SPTBN4: variants seen among roughly 807,000 people sequenced by gnomAD.
The protein encoded by SPTBN4 is spectrin beta chain, non-erythrocytic 4.
In SPTBN4, 96 loss-of-function variants were observed where a neutral mutation model predicts 277.8. That is an observed-to-expected ratio of 0.35 (90% CI 0.29 to 0.41). The LOEUF (loss-of-function observed/expected upper bound fraction) is 0.41, where lower values mean the gene tolerates loss of function less well. Ranked by LOEUF, SPTBN4 falls within the 10% of genes least tolerant of loss-of-function variation. SPTBN4 has a pLI of 1.00. For synonymous variants in SPTBN4, 1,481 were observed against 1,580.3 expected, an observed-to-expected ratio of 0.94 and a Z score of 1.49; for missense variants, 3,006 against 3,595.7, an observed-to-expected ratio of 0.84 and a Z score of 4.19.
intron 20 of SPTBN4, among the ~76,000 whole-genome samples, chr19:40,544,940 G>A (rs1186371544): frequency 6.6e-6 from 1 of 151,838 alleles, no homozygotes. Flanking sequence ...GGGATTACAG[G>A]CATGAGCTGC....
At chr19:40,575,309 G>A in intron 35 of SPTBN4, 102 bp from the exon 36 acceptor site, 1 of 1,362,530 alleles carries the variant, frequency 7.3e-7, no homozygotes, top group Non-Finnish European at 9.8e-7. Context: ...TTTAATAGAT[G>A]AGAAAACTGA....
At chr19:40,506,434 C>T in intron 13 of SPTBN4, 48 bp downstream of exon 13, 3 of 1,576,954 alleles carry the variant, frequency 1.9e-6, no homozygotes, top group Non-Finnish European at 1.7e-6. Flanking sequence ...ACTGTCAGGA[C>T]TGGTGCTAAT....
At chr19:40,500,159 T>C (rs927744685) in intron 7 of SPTBN4, among the ~76,000 whole-genome samples, 4 of 151,184 alleles carry the variant, frequency 2.6e-5, no homozygotes, top group African/African-American at 9.8e-5. Flanking sequence ...CAGTGAGCTC[T>C]GATTACAACA....
At chr19:40,512,072 G>A (rs781115525) in intron 13 of SPTBN4, among the ~76,000 whole-genome samples, 4 of 152,264 alleles carry the variant, frequency 2.6e-5, no homozygotes, top group East Asian at 1.9e-4. Flanking sequence ...GCAGTGAACC[G>A]AGATCGCGCT....
At position 40,576,005 on chromosome 19, in the gene SPTBN4, G is replaced by C. The variant is rs905311571; in HGVS notation, c.*436G>C. The C allele has an allele frequency of 6.5e-6, 1 of 153,882 alleles. No individual in the cohort carries two copies. The highest frequency in any genetic ancestry group is 2.4e-5 in the African/African-American group (1 of 41,180). 9.5% of individuals were successfully genotyped at this position (153,882 alleles called of 1,614,324 possible). A position where few individuals can be genotyped will look rare whatever the true frequency, so the allele number is the denominator to read the frequency against. ...TCCCCTGGACCATCCAGGGTGCTAG[G>C]GGGCAGGGAGGGGACACCCCCTCCC... On this transcript the variant is annotated 3_prime_UTR_variant, in exon 36 of 36. Transcript: ENST00000598249.
chr19:40,515,928 T>C lies in SPTBN4; in HGVS notation c.2903+480T>C, dbSNP rs542291820. 1.5e-3 allele frequency among the ~76,000 whole-genome samples: 196 copies of C among 129,698 alleles called. 10 individuals carry two copies. The highest frequency in any genetic ancestry group is 3.7e-3 in the Middle Eastern group (1 of 270). The allele number at this position is 129,698 out of a possible 152,430, so 85.1% of individuals were successfully genotyped here. Reference sequence around the variant, plus strand: ...ATATATATATACACACACATATATATACACACATATATACGTATATATACA... The same window carrying C: ...ATATATATATACACACACATATATACACACACATATATACGTATATATACA... On this transcript the variant is annotated intron_variant, in intron 15 of 35. Coordinates refer to ENST00000598249, the MANE Select transcript of SPTBN4 (RefSeq NM_020971.3). The surrounding 1 kb of genome is among the most constrained non-coding windows in gnomAD (Gnocchi z 4.1).
At chr19:40,530,468 G>T in intron 18 of SPTBN4, 2 of 977,210 alleles carry the variant, frequency 2.0e-6, no homozygotes, top group Non-Finnish European at 2.4e-6. Context: ...CGGGGGCGAG[G>T]GAGGGGGCGC....
chr19:40,575,237 A>C (rs1194321497), intron 35 of SPTBN4, among the ~76,000 whole-genome samples, 174 bp from the exon 36 acceptor site: 1 of 152,130 alleles, frequency 6.6e-6, no homozygotes, highest in African/African-American at 2.4e-5. Context: ...TAATCCACTA[A>C]AGTGTTTGGA....
At chr19:40,523,683 TG>T in intron 17 of SPTBN4, 44 bp downstream of exon 17, 1 of 1,557,404 alleles carries the variant, frequency 6.4e-7, no homozygotes, top group Non-Finnish European at 8.7e-7. Flanking sequence ...GGGCAGAAGA[TG>T]GGGCCCAGCA....
chr19:40,549,125 T>C (rs1245710937), intron 20 of SPTBN4, 64 bp from the exon 21 acceptor site: 75 of 1,381,274 alleles, frequency 5.4e-5, no homozygotes, highest in Non-Finnish European at 7.2e-5. Flanking sequence ...ATAAGGGTAC[T>C]GGAGAGCCAC....
At position 40,570,526 on chromosome 19, in the gene SPTBN4, C is replaced by A; in HGVS notation, c.7117C>A (p.Arg2373=). The change falls in exon 33 of 36, where the codon CGG becomes AGG. Residue 2373 remains arginine (R), a synonymous_variant. Transcript: ENST00000598249. ...PERTPRPDRP[R]ARDRPKPRRR... is the part of the protein sequence containing the mutation. ...GCGGACACCTCGGCCGGACCGGCCC[C>A]GGGCGCGGGACCGGCCCAAGCCGCG... 1 of 1,456,754 alleles carries A rather than the reference C, an allele frequency of 6.9e-7. No homozygotes were observed. Among genetic ancestry groups the A allele is most frequent in the Non-Finnish European group, 9.0e-7 (1 of 1,109,872 alleles). 90.2% of individuals were successfully genotyped at this position (1,456,754 alleles called of 1,614,324 possible). A position where few individuals can be genotyped will look rare whatever the true frequency, so the allele number is the denominator to read the frequency against.
In SPTBN4 at chr19:40,513,294, G is replaced by A; in HGVS notation, c.2505G>A (p.Gln835=). The A allele has an allele frequency of 6.4e-7, 1 of 1,551,778 alleles. No individual in the cohort carries two copies. The highest frequency in any genetic ancestry group is 8.7e-7 in the Non-Finnish European group (1 of 1,152,952). The part of the protein sequence containing the change: ...HRGPVSGLRR[Q]LATLGGASGA... ...GGCCCGTGAGCGGCCTGCGGCGCCA[G>A]CTGGCGACACTCGGGGGTGCCAGTG... Residue 835 remains glutamine, a synonymous_variant, in exon 14 of 36, where the codon CAG becomes CAA. Coordinates refer to ENST00000598249, the MANE Select transcript of SPTBN4 (RefSeq NM_020971.3).
intron 13 of SPTBN4, among the ~76,000 whole-genome samples, chr19:40,509,307 G>A (rs572224844): frequency 3.3e-5 from 5 of 152,152 alleles, no homozygotes; most frequent in South Asian, 2.1e-4. Flanking sequence ...TTGCAATGGC[G>A]CGATCTCGGC....
At position 40,557,012 on chromosome 19, in the gene SPTBN4, C is replaced by A; in HGVS notation, c.5290-11C>A. The A allele has an allele frequency of 7.7e-7, 1 of 1,303,436 alleles. No homozygotes were observed. The highest frequency in any genetic ancestry group is 1.0e-6 in the Non-Finnish European group (1 of 963,930). 80.7% of individuals were successfully genotyped at this position (1,303,436 alleles called of 1,614,324 possible). A position where few individuals can be genotyped will look rare whatever the true frequency, so the allele number is the denominator to read the frequency against. On this transcript the variant is annotated splice_polypyrimidine_tract_variant and intron_variant, in intron 25 of 35. Coordinates refer to ENST00000598249, the MANE Select transcript of SPTBN4 (RefSeq NM_020971.3). ...CTTTGCTGTACCCCCCCCCCCACTT[C>A]CTGATGGCAGGTGCTGCAGGAGAAA...
Position 40,512,867 on chromosome 19 carries a change from G to A in SPTBN4, c.2078G>A (p.Ser693Asn). Residue 693 changes from serine to asparagine, a missense_variant, in exon 14 of 36, where the codon AGC becomes AAC. By Grantham distance (46) the Ser-to-Asn change is conservative (BLOSUM62 1). Around this residue, in one of 5 missense-constraint regions of SPTBN4, gnomAD observed 1,759 missense variants for 2,061.5 expected, o/e 0.85. Transcript: ENST00000598249. The part of the protein sequence containing the change: ...GTAGGAHDLS[S>N]TARLLAQHKI... ...GCGGGCGGCGCGCATGACCTGTCCA[G>A]CACAGCGCGCCTCCTGGCCCAGCAC... 1 of 1,448,972 alleles carries A rather than the reference G, an allele frequency of 6.9e-7. No homozygotes were observed. Among genetic ancestry groups the A allele is most frequent in the Non-Finnish European group, 9.0e-7 (1 of 1,113,210 alleles). The allele number at this position is 1,448,972 out of a possible 1,614,324, so 89.8% of individuals were successfully genotyped here. A position where few individuals can be genotyped will look rare whatever the true frequency, so the allele number is the denominator to read the frequency against.
chr19:40,498,372 A>ATTTT (rs1214208678), intron 7 of SPTBN4, among the ~76,000 whole-genome samples: 12 of 125,352 alleles, frequency 9.6e-5, no homozygotes, highest in African/African-American at 3.5e-4. Context: ...GTTTTATTTT[A>ATTTT]TTTTATTTAT....
At chr19:40,525,083 C>T (rs945852276) in intron 17 of SPTBN4, among the ~76,000 whole-genome samples, 1 of 152,090 alleles carries the variant, frequency 6.6e-6, no homozygotes, top group Non-Finnish European at 1.5e-5. Context: ...AGTACCCCTC[C>T]TTCTGTCTTC....
intron 16 of SPTBN4, among the ~76,000 whole-genome samples, chr19:40,522,771 T>C (rs904684685): frequency 2.0e-5 from 3 of 152,046 alleles, no homozygotes; most frequent in African/African-American, 4.8e-5. Context: ...TTCTAGTATG[T>C]AGGGGAGGAG....
At chr19:40,525,834 C>T (rs192354932) in intron 17 of SPTBN4, among the ~76,000 whole-genome samples, 11 of 152,272 alleles carry the variant, frequency 7.2e-5, no homozygotes, top group African/African-American at 2.2e-4. Flanking sequence ...GACGTGCAGC[C>T]GCTGTGGGAG....
Sources: gnomAD v4.1 joint callset for allele counts (sites outside exome capture counted in the v4.1 genomes callset) on GRCh38, gnomAD v4.1.1 for gene constraint, gnomAD v4.1.1 regional missense constraint, Gnocchi (gnomAD v3.1) non-coding constraint, MANE v1.5 for transcripts, NCBI Gene and HGNC (gene_info 2026-07-23, HGNC 2026-07-21) for gene names.